Variants in CCDC171 observed in about 807,000 individuals in gnomAD.
CCDC171 encodes coiled-coil domain-containing protein 171.
CCDC171 carries 177 observed loss-of-function variants against 168.2 expected under a neutral mutation model. The ratio of observed to expected loss-of-function variants is 1.05; its 90% CI spans 0.93 to 1.19. CCDC171 has a LOEUF of 1.19. CCDC171 is among the 50% of genes most tolerant of loss of function. The probability of loss-of-function intolerance (pLI) is 0.00; values close to 1 mark genes in which losing one functional copy is unlikely to be tolerated. For synonymous variants in CCDC171, 687 were observed against 540.8 expected (o/e 1.27, Z -3.75); for missense variants, 1,991 against 1,539.0 (o/e 1.29, Z -4.91).
intron 6 of CCDC171, among the ~76,000 whole-genome samples, chr9:15,616,368 G>A (rs2044084460): frequency 6.6e-6 from 1 of 152,140 alleles, no homozygotes; most frequent in Admixed American, 6.6e-5. Flanking sequence ...ACAGGAGTGA[G>A]CCACTATGCC....
intron 21 of CCDC171, among the ~76,000 whole-genome samples, chr9:15,802,868 C>T (rs2058893766): frequency 6.6e-6 from 1 of 152,148 alleles, no homozygotes. Flanking sequence ...TTTACACTCC[C>T]AGCAACAGTA....
At chr9:15,811,042 A>G (rs2059333336) in intron 21 of CCDC171, among the ~76,000 whole-genome samples, 1 of 152,254 alleles carries the variant, frequency 6.6e-6, no homozygotes, top group Admixed American at 6.5e-5. Flanking sequence ...AATGTTTATC[A>G]TTACAGAAAA....
chr9:15,826,243 A>G (rs1460804671), intron 21 of CCDC171, among the ~76,000 whole-genome samples: 2 of 152,100 alleles, frequency 1.3e-5, no homozygotes, highest in Non-Finnish European at 2.9e-5. Flanking sequence ...AGCAAATATT[A>G]TAATAAACAA....
At chr9:15,699,966 G>A (rs2051573587) in intron 11 of CCDC171, among the ~76,000 whole-genome samples, 1 of 152,246 alleles carries the variant, frequency 6.6e-6, no homozygotes, top group Admixed American at 6.5e-5. Flanking sequence ...AGACTCAGGA[G>A]CCCAACTGGC....
intron 6 of CCDC171, among the ~76,000 whole-genome samples, chr9:15,598,895 AT>A (rs1455364085): frequency 6.6e-6 from 1 of 152,096 alleles, no homozygotes; most frequent in East Asian, 1.9e-4. Context: ...TCCCTTTACC[AT>A]TATGTAATGG....
intron 3 of CCDC171, among the ~76,000 whole-genome samples, chr9:15,999,915 T>C (rs1162428955): frequency 6.6e-6 from 1 of 151,930 alleles, no homozygotes; most frequent in Non-Finnish European, 1.5e-5. Context: ...AGCACACTAG[T>C]ATCTAAGCGC....
chr9:15,561,437 C>T (rs1216513756), intron 1 of CCDC171, among the ~76,000 whole-genome samples: 1 of 152,184 alleles, frequency 6.6e-6, no homozygotes, highest in Non-Finnish European at 1.5e-5. Flanking sequence ...TAATCACTGA[C>T]ATAGTTTGAC....
rs1306756115 is a variant in CCDC171, at chr9:15,634,042, G to A, written c.822+10629G>A. On this transcript the variant is annotated intron_variant, in intron 7 of 25. Transcript: ENST00000380701. ...GACTGTTGTGGGGTGGGGAGAGGGG[G>A]GCGGGATAGCTTTAGGAGATACACC... Among the ~76,000 whole-genome samples the A allele has an allele frequency of 2.0e-5, 3 of 152,154 alleles. No individual in the cohort carries two copies. In the East Asian group the frequency reaches 5.8e-4, roughly 29 times the overall value.
intron 7 of CCDC171, among the ~76,000 whole-genome samples, chr9:15,656,875 C>G (rs995284772): frequency 1.3e-5 from 2 of 151,294 alleles, no homozygotes; most frequent in Non-Finnish European, 2.9e-5. Flanking sequence ...AAAAATTTAT[C>G]AAAAAGTATA....
chr9:15,777,878 T>G (rs760151108), intron 19 of CCDC171, 52 bp downstream of exon 19: 2 of 1,173,242 alleles, frequency 1.7e-6, no homozygotes, highest in Non-Finnish European at 2.4e-6. Context: ...AGGTTTAATT[T>G]TGAATTAGCC....
chr9:15,583,182 C>T (rs769794537), intron 4 of CCDC171, among the ~76,000 whole-genome samples: 5 of 151,744 alleles, frequency 3.3e-5, no homozygotes, highest in East Asian at 3.9e-4. Context: ...TTTGGGAGGC[C>T]GAGGAGGGCA....
downstream of CCDC171, among the ~76,000 whole-genome samples, chr9:15,976,324 A>T (rs1019352636): frequency 4.6e-5 from 7 of 152,226 alleles, no homozygotes; most frequent in African/African-American, 1.7e-4. Flanking sequence ...AATTGCCTTC[A>T]TAACTTGAAT....
intron 16 of CCDC171, among the ~76,000 whole-genome samples, chr9:15,732,730 G>C (rs1187357079): frequency 2.0e-5 from 3 of 152,080 alleles, no homozygotes. Context: ...TGGCAATTAT[G>C]AGTAGAGATG....
At chr9:15,862,989 C>T (rs769666354) in intron 23 of CCDC171, among the ~76,000 whole-genome samples, 12 of 151,794 alleles carry the variant, frequency 7.9e-5, no homozygotes, top group Admixed American at 3.9e-4. Flanking sequence ...CTTTCTGTGC[C>T]AAGCCAGGGG....
downstream of CCDC171, among the ~76,000 whole-genome samples, chr9:15,976,992 A>C (rs1208707855): frequency 6.6e-6 from 1 of 152,198 alleles, no homozygotes; most frequent in Admixed American, 6.5e-5. Flanking sequence ...CCAAGCAAAG[A>C]AAAGAAAAAT....
intron 1 of CCDC171, among the ~76,000 whole-genome samples, chr9:16,058,274 T>C (rs1833874845): frequency 6.6e-6 from 1 of 152,128 alleles, no homozygotes; most frequent in Non-Finnish European, 1.5e-5. Context: ...CCCATTCATC[T>C]TTCTTTCCTC....
In CCDC171 at chr9:15,723,724, A is replaced by T; in HGVS notation, c.1469A>T (p.Asp490Val). The change falls in exon 13 of 26, where the codon GAC (aspartate) becomes GTC (valine). Residue 490 changes from aspartate to valine, a missense_variant. Transcript: ENST00000380701. ...NELDSTKQKI[D>V]SHTKNIKELQ... ...CTTGATTCTACGAAACAGAAGATAG[A>T]CTCTCACACTAAAAATATAAAGGTA... The T allele has an allele frequency of 6.5e-7, 1 of 1,544,436 alleles. No homozygotes were observed. Among genetic ancestry groups the T allele is most frequent in the Non-Finnish European group, 8.9e-7 (1 of 1,124,676 alleles).
intron 24 of CCDC171, among the ~76,000 whole-genome samples, chr9:15,893,711 A>G (rs1361886534): frequency 1.3e-5 from 2 of 152,184 alleles, no homozygotes; most frequent in African/African-American, 4.8e-5. Flanking sequence ...AGAGAAATGC[A>G]AACTAAAACC....
At chr9:15,627,101 C>T (rs1422767097) in intron 7 of CCDC171, among the ~76,000 whole-genome samples, 2 of 152,160 alleles carry the variant, frequency 1.3e-5, no homozygotes, top group African/African-American at 4.8e-5. Flanking sequence ...AGTTTATTTG[C>T]ATAGAGGTGT....
Sources: gnomAD v4.1 joint callset for allele counts (sites outside exome capture counted in the v4.1 genomes callset) on GRCh38, gnomAD v4.1.1 for gene constraint, MANE v1.5 for transcripts, NCBI Gene and HGNC (gene_info 2026-07-23, HGNC 2026-07-21) for gene names.